PTPRT: variants seen among roughly 807,000 people sequenced by gnomAD.
PTPRT encodes protein tyrosine phosphatase receptor type T.
PTPRT carries 56 observed loss-of-function variants against 176.8 expected under a neutral mutation model. That is an observed-to-expected ratio of 0.32 (90% CI 0.26 to 0.40). The LOEUF is 0.40. PTPRT is among the 10% of genes least tolerant of loss of function. The probability of loss-of-function intolerance (pLI) is 1.00; values close to 1 mark genes in which losing one functional copy is unlikely to be tolerated. For synonymous variants in PTPRT, 783 were observed against 739.0 expected, an observed-to-expected ratio of 1.06 and a Z score of -0.96; for missense variants, 1,540 against 1,908.2, an observed-to-expected ratio of 0.81 and a Z score of 3.60.
At chr20:42,127,904 G>T (rs1221959337) in intron 19 of PTPRT, among the ~76,000 whole-genome samples, 1 of 152,050 alleles carries the variant, frequency 6.6e-6, no homozygotes, top group Non-Finnish European at 1.5e-5. Flanking sequence ...TCTTATCTTT[G>T]GTAGCAGATA....
intron 1 of PTPRT, among the ~76,000 whole-genome samples, chr20:42,990,009 T>G (rs1044924616): frequency 6.6e-5 from 10 of 152,230 alleles, no homozygotes; most frequent in African/African-American, 2.4e-4. Context: ...TTGTTTCTTA[T>G]AGGCTTGTCA....
intron 1 of PTPRT, among the ~76,000 whole-genome samples, chr20:42,892,497 A>G (rs1308300708): frequency 6.6e-6 from 1 of 152,198 alleles, no homozygotes; most frequent in African/African-American, 2.4e-5. Context: ...TAAAAAAAAA[A>G]AAAAGAAAAC....
intron 2 of PTPRT, among the ~76,000 whole-genome samples, chr20:42,801,691 A>C (rs1298354569): frequency 2.0e-5 from 3 of 152,216 alleles, no homozygotes; most frequent in Middle Eastern, 3.2e-3. Context: ...GGGAAGAAGT[A>C]TAAAAAGAAA....
Position 42,939,356 on chromosome 20 carries a change from C to T in PTPRT, c.89-53424G>A, listed in dbSNP as rs1384377014. ...GGTTTGCTCATCACTCCCGCCATCT[C>T]AGCCCATGCTTCTACCAACACTGGC... On this transcript the variant is annotated intron_variant, in intron 1 of 30. Coordinates refer to ENST00000373187, the MANE Select transcript of PTPRT (RefSeq NM_007050.6). 4.6e-5 allele frequency among the ~76,000 whole-genome samples: 7 copies of T among 152,204 alleles called. No individual in the cohort carries two copies. In the East Asian group the frequency reaches 1.3e-3, roughly 29 times the overall value.
At chr20:42,999,008 A>G (rs1351609873) in intron 1 of PTPRT, among the ~76,000 whole-genome samples, 1 of 152,230 alleles carries the variant, frequency 6.6e-6, no homozygotes, top group Non-Finnish European at 1.5e-5. Context: ...ATTAATTTCA[A>G]GTTTATACCT....
At chr20:42,698,533 G>A (rs2075920715) in intron 6 of PTPRT, among the ~76,000 whole-genome samples, 1 of 152,160 alleles carries the variant, frequency 6.6e-6, no homozygotes, top group Admixed American at 6.5e-5. Context: ...TTGCACCAGT[G>A]GCCTCAAACT....
intron 13 of PTPRT, among the ~76,000 whole-genome samples, chr20:42,250,099 T>A (rs892714413): frequency 2.6e-5 from 4 of 152,238 alleles, no homozygotes; most frequent in Admixed American, 2.0e-4. Context: ...TATTAACACT[T>A]TATAACACTT....
At chr20:42,410,340 A>G (rs1235154407) in intron 9 of PTPRT, among the ~76,000 whole-genome samples, 1 of 152,182 alleles carries the variant, frequency 6.6e-6, no homozygotes, top group Non-Finnish European at 1.5e-5. Flanking sequence ...AGCTAATAAA[A>G]TCAATAAAAA....
intron 1 of PTPRT, among the ~76,000 whole-genome samples, chr20:43,159,197 T>C (rs1295184578): frequency 6.6e-6 from 1 of 152,016 alleles, no homozygotes; most frequent in Non-Finnish European, 1.5e-5. Flanking sequence ...CACCCCAGAG[T>C]TCTCCCACCT....
At chr20:43,042,904 C>T (rs1986678410) in intron 1 of PTPRT, among the ~76,000 whole-genome samples, 1 of 152,126 alleles carries the variant, frequency 6.6e-6, no homozygotes, top group Admixed American at 6.6e-5. Flanking sequence ...CTATTCTCCT[C>T]CTATTTTGCC....
intron 1 of PTPRT, among the ~76,000 whole-genome samples, chr20:42,926,006 G>A (rs966574527): frequency 6.6e-6 from 1 of 152,156 alleles, no homozygotes; most frequent in Admixed American, 6.5e-5. Context: ...CTCTAAGAGG[G>A]GCTAGACCCT....
chr20:43,011,103 C>A (rs923571685), intron 1 of PTPRT, among the ~76,000 whole-genome samples: 1 of 152,216 alleles, frequency 6.6e-6, no homozygotes, highest in African/African-American at 2.4e-5. Context: ...TAGTACGCTG[C>A]AGGGTGTTGG....
rs1473057560 is a variant in PTPRT, at chr20:42,616,956, C to T, written c.1153+60910G>A. ...TCCTTCTCCTGCCTCATTGCCCTGG[C>T]CAGAACTTCCAACACTATGTTGAAT... is the stretch of plus-strand genomic sequence containing the variant. On this transcript the variant is annotated intron_variant, in intron 7 of 30. Coordinates refer to ENST00000373187, the MANE Select transcript of PTPRT (RefSeq NM_007050.6). Among the ~76,000 whole-genome samples, 4 of 132,506 alleles carry T rather than the reference C, an allele frequency of 3.0e-5. No individual in the cohort carries two copies. The South Asian group carries it at 7.1e-4, about 24-fold the overall frequency. The allele number at this position is 132,506 out of a possible 152,430, so 86.9% of individuals were successfully genotyped here.
At chr20:42,790,232 AAAAAAAC>A (rs1350844191) in intron 3 of PTPRT, among the ~76,000 whole-genome samples, 6 of 152,172 alleles carry the variant, frequency 3.9e-5, no homozygotes, top group Non-Finnish European at 5.9e-5. Flanking sequence ...GTTAAAAAAA[AAAAAAAC>A]AAAACTTTCA....
chr20:42,817,505 A>G (rs2077809763), intron 2 of PTPRT, among the ~76,000 whole-genome samples: 1 of 152,216 alleles, frequency 6.6e-6, no homozygotes, highest in Non-Finnish European at 1.5e-5. Flanking sequence ...ATATATGTAT[A>G]TTCAGGGACA....
chr20:42,067,521 G>A, the PTPRT span, among the ~76,000 whole-genome samples: 2 of 152,234 alleles, frequency 1.3e-5, no homozygotes, highest in Admixed American at 6.5e-5. Flanking sequence ...TGCACCCTAT[G>A]CTAGGGCTCT....
At chr20:43,031,106 C>G (rs1396802943) in intron 1 of PTPRT, among the ~76,000 whole-genome samples, 1 of 152,180 alleles carries the variant, frequency 6.6e-6, no homozygotes, top group Non-Finnish European at 1.5e-5. Context: ...GCAAGAGTAT[C>G]AGACCCTCAT....
chr20:42,304,788 A>C (rs2057519648), intron 12 of PTPRT, among the ~76,000 whole-genome samples: 1 of 152,182 alleles, frequency 6.6e-6, no homozygotes, highest in Non-Finnish European at 1.5e-5. Context: ...TTTGAGCAAA[A>C]ATGTTCTGAT....
chr20:42,359,456 A>C (rs891047470), intron 9 of PTPRT, among the ~76,000 whole-genome samples: 3 of 152,168 alleles, frequency 2.0e-5, no homozygotes, highest in Admixed American at 6.5e-5. Flanking sequence ...TAAGGCTGAA[A>C]ACCACTGGGG....
Sources: allele counts gnomAD v4.1 joint callset (sites outside exome capture counted in the v4.1 genomes callset), GRCh38; gene constraint gnomAD v4.1.1; transcripts MANE v1.5; gene names NCBI Gene and HGNC (gene_info 2026-07-23, HGNC 2026-07-21).